NME8: variants seen among roughly 807,000 people sequenced by gnomAD.
NME8 encodes NME/NM23 family member 8, also known as protein NME8.
In NME8, 72 loss-of-function variants were observed where a neutral mutation model predicts 82.3. That is an observed-to-expected ratio of 0.87 (90% CI 0.72 to 1.06). NME8 has a LOEUF of 1.06. NME8 is among the 50% of genes least tolerant of loss of function. The probability of loss-of-function intolerance (pLI) is 0.00; values close to 1 mark genes in which losing one functional copy is unlikely to be tolerated. For missense variants in NME8, 712 were observed against 685.4 expected (o/e 1.04, Z -0.43); for synonymous variants, 267 against 228.5 (o/e 1.17, Z -1.52).
At chr7:37,889,777 T>C (rs1365262351) in intron 15 of NME8, among the ~76,000 whole-genome samples, 3 of 151,984 alleles carry the variant, frequency 2.0e-5, no homozygotes, top group African/African-American at 7.2e-5. Context: ...GAAAAAATAT[T>C]ATCACTAGTG....
chr7:37,898,846 G>C (rs922732962), intron 17 of NME8, among the ~76,000 whole-genome samples: 9 of 152,190 alleles, frequency 5.9e-5, no homozygotes, highest in East Asian at 1.9e-4. Context: ...TACTCAAATG[G>C]TTGCAATGGC....
At chr7:37,850,501 C>A in intron 4 of NME8, 66 bp downstream of exon 4, 1 of 1,577,356 alleles carries the variant, frequency 6.3e-7, no homozygotes, top group South Asian at 1.1e-5. Context: ...GGCACCCTGT[C>A]CCTCTAGAGT....
chr7:37,897,108 G>A lies in NME8; in HGVS notation c.*15+1G>A, dbSNP rs754753354. ...GGAAAACTAAAGTATATACTGTGAAGTACGTACCTGTTTAATTATTATTTT... is the reference window on the plus strand; with the variant it reads ...GGAAAACTAAAGTATATACTGTGAAATACGTACCTGTTTAATTATTATTTT... On this transcript the variant is annotated splice_donor_variant, in intron 17 of 17. Coordinates refer to ENST00000199447, the MANE Select transcript of NME8 (RefSeq NM_016616.5). LOFTEE classifies it low-confidence loss of function (3UTR_SPLICE). 3 of 1,483,404 alleles carry A rather than the reference G, an allele frequency of 2.0e-6. No individual in the cohort carries two copies. Among genetic ancestry groups the A allele is most frequent in the East Asian group, 2.3e-5 (1 of 44,104 alleles). 91.9% of individuals were successfully genotyped at this position (1,483,404 alleles called of 1,614,324 possible).
At chr7:37,872,928 A>T (rs897141694) in intron 11 of NME8, among the ~76,000 whole-genome samples, 9 of 152,190 alleles carry the variant, frequency 5.9e-5, no homozygotes, top group Non-Finnish European at 1.2e-4. Flanking sequence ...AACACTGCAC[A>T]CTGTGTCCAG....
chr7:37,882,599 G>GAA (rs1374421441), intron 12 of NME8, among the ~76,000 whole-genome samples: 3,041 of 39,000 alleles, frequency 0.078, 77 homozygotes, highest in East Asian at 0.14. Context: ...AAGAAAGAAA[G>GAA]AGAGAGAGAG....
Position 37,867,703 on chromosome 7 carries a change from G to T in NME8, c.623G>T (p.Cys208Phe), listed in dbSNP as rs751518399. The T allele has an allele frequency of 2.5e-6, 4 of 1,610,760 alleles. No homozygotes were observed. The East Asian group carries it at 8.9e-5, about 36-fold the overall frequency. The part of the protein sequence containing the change: ...VNFYSRIADQ[C>F]DFEEFVSFMT... ...ACAGTTTATCATTTTATTTTGTAGT[G>T]TGACTTCGAAGAGTTTGTCTCTTTT... The change falls in exon 11 of 18, where the codon TGT becomes TTT. Residue 208 changes from cysteine to phenylalanine, a missense_variant and splice_region_variant. Coordinates refer to ENST00000199447, the MANE Select transcript of NME8 (RefSeq NM_016616.5).
At position 37,896,962 on chromosome 7, in the gene NME8, T is replaced by A. The variant is rs199902263; in HGVS notation, c.1637T>A (p.Leu546Ter). 4.3e-6 allele frequency: 7 copies of A among 1,613,870 alleles called. No individual in the cohort carries two copies. In the East Asian group the frequency reaches 1.1e-4, roughly 26 times the overall value. The change falls in exon 17 of 18, where the codon TTA becomes TAA. Residue 546 changes from leucine to a stop codon, truncating the protein, a stop_gained. Transcript: ENST00000199447. LOFTEE classifies it high-confidence loss of function. ...MGPTDPEEAKLLSPDSIRAQF... is the reference protein window; with the variant it reads ...MGPTDPEEAK Reference sequence around the variant, plus strand: ...CCAACAGACCCAGAAGAAGCAAAATTACTTTCCCCTGACTCCATCCGAGCC... The same window carrying A: ...CCAACAGACCCAGAAGAAGCAAAATAACTTTCCCCTGACTCCATCCGAGCC...
chr7:37,897,589 A>G (rs1404154707), intron 17 of NME8, among the ~76,000 whole-genome samples: 1 of 152,178 alleles, frequency 6.6e-6, no homozygotes, highest in Non-Finnish European at 1.5e-5. Flanking sequence ...CAGAACGTGC[A>G]GGTTTGTTGC....
rs1489424511 is a variant in NME8, at chr7:37,865,553, C to T, written c.557C>T (p.Ala186Val). ...ACCAAAGCTGGATTTATTATAGAAG[C>T]AGAGCATAAGACAGTGCTCACTGAA... Reference protein sequence around the residue: ...KITKAGFIIEAEHKTVLTEEQ... With the variant: ...KITKAGFIIEVEHKTVLTEEQ... The change falls in exon 10 of 18, where the codon GCA (alanine) becomes GTA (valine). Residue 186 changes from alanine to valine, a missense_variant. Transcript: ENST00000199447. 6.2e-7 allele frequency: 1 copy of T among 1,612,544 alleles called. No individual in the cohort carries two copies. Among genetic ancestry groups the T allele is most frequent in the Non-Finnish European group, 8.5e-7 (1 of 1,178,782 alleles).
At chr7:37,871,731 C>T (rs1396437799) in intron 11 of NME8, among the ~76,000 whole-genome samples, 1 of 152,080 alleles carries the variant, frequency 6.6e-6, no homozygotes, top group African/African-American at 2.4e-5. Flanking sequence ...TTCCTCTGTC[C>T]ATAGAAAATA....
At chr7:37,878,647 CAA>C (rs888448746) in intron 12 of NME8, among the ~76,000 whole-genome samples, 52 of 152,044 alleles carry the variant, frequency 3.4e-4, no homozygotes, top group African/African-American at 1.1e-3. Context: ...TTAAAAAAGA[CAA>C]TATTTTCAAA....
At chr7:37,866,555 G>A (rs183933826) in intron 10 of NME8, among the ~76,000 whole-genome samples, 2 of 152,320 alleles carry the variant, frequency 1.3e-5, no homozygotes, top group African/African-American at 4.8e-5. Flanking sequence ...AAGCCCCGTA[G>A]ATGACTTGGA....
chr7:37,894,156 T>C (rs776967397), intron 15 of NME8, among the ~76,000 whole-genome samples: 2 of 152,154 alleles, frequency 1.3e-5, no homozygotes, highest in African/African-American at 2.4e-5. Flanking sequence ...ATTTGTAGTA[T>C]GAAGGTGAAA....
intron 15 of NME8, among the ~76,000 whole-genome samples, chr7:37,894,214 C>T (rs1019688125): frequency 3.3e-5 from 5 of 152,104 alleles, no homozygotes; most frequent in African/African-American, 1.2e-4. Context: ...CCCTTCTACT[C>T]TTGTGGCCTA....
chr7:37,878,062 T>A (rs1784884419), intron 12 of NME8, among the ~76,000 whole-genome samples: 1 of 152,214 alleles, frequency 6.6e-6, no homozygotes, highest in Non-Finnish European at 1.5e-5. Flanking sequence ...TACCTGATCT[T>A]ATAGCAAAAG....
At chr7:37,869,800 G>A (rs937045169) in intron 11 of NME8, among the ~76,000 whole-genome samples, 4 of 152,068 alleles carry the variant, frequency 2.6e-5, no homozygotes, top group Admixed American at 1.3e-4. Flanking sequence ...TGGTGTGCTC[G>A]GGCTCAGAAA....
In NME8 at chr7:37,888,410, G is replaced by C; in HGVS notation, c.1381G>C (p.Ala461Pro). The change falls in exon 15 of 18, where the codon GCA (alanine) becomes CCA (proline). Residue 461 changes from alanine to proline, a missense_variant. Physicochemically the swap from Ala to Pro is conservative, Grantham distance 27. Transcript: ENST00000199447. ...CACTTTAGGCTTGATTAAACCTCAT[G>C]CAACAAGTGAACAAAGAGGTAAATA... ...QSTLGLIKPHATSEQREQILK... is the reference protein window; with the variant it reads ...QSTLGLIKPHPTSEQREQILK... 1 of 1,613,046 alleles carries C rather than the reference G, an allele frequency of 6.2e-7. No individual in the cohort carries two copies. The highest frequency in any genetic ancestry group is 1.1e-5 in the South Asian group (1 of 91,046).
intron 13 of NME8, among the ~76,000 whole-genome samples, chr7:37,884,891 A>G (rs559234182): frequency 6.6e-6 from 1 of 152,336 alleles, no homozygotes; most frequent in South Asian, 2.1e-4. Context: ...AACCAGCAGG[A>G]CCATGGGAAC....
chr7:37,897,577 C>A (rs190640167), intron 17 of NME8, among the ~76,000 whole-genome samples: 1 of 151,964 alleles, frequency 6.6e-6, no homozygotes, highest in East Asian at 1.9e-4. Context: ...AGGATGCATG[C>A]GCAGAACGTG....
Sources: allele counts gnomAD v4.1 joint callset (sites outside exome capture counted in the v4.1 genomes callset), GRCh38; gene constraint gnomAD v4.1.1; transcripts MANE v1.5; gene names NCBI Gene and HGNC (gene_info 2026-07-23, HGNC 2026-07-21).